The following SYNE2 variants were observed in gnomAD, a reference collection of about 807,000 sequenced individuals.
SYNE2 encodes the protein nesprin-2.
Under a neutral mutation model 856.3 loss-of-function variants are expected in SYNE2, and 431 were observed. That is an observed-to-expected ratio of 0.50 (90% CI 0.47 to 0.55). SYNE2 has a LOEUF of 0.55. Ranked by LOEUF, SYNE2 falls within the 20% of genes least tolerant of loss-of-function variation. SYNE2 has a pLI of 0.00. For synonymous variants in SYNE2, 2,923 were observed against 2,872.3 expected (o/e 1.02, Z -0.56); for missense variants, 8,129 against 8,023.2 (o/e 1.01, Z -0.50).
In SYNE2 at chr14:64,065,642, A is replaced by C; in HGVS notation, c.10423A>C (p.Ser3475Arg). 3.7e-6 allele frequency: 6 copies of C among 1,614,160 alleles called. No individual in the cohort carries two copies. Among genetic ancestry groups the C allele is most frequent in the Non-Finnish European group, 5.1e-6 (6 of 1,180,026 alleles). The change falls in exon 51 of 116, where the codon AGT (serine) becomes CGT (arginine). Residue 3475 changes from serine to arginine, a missense_variant. By Grantham distance (110) the Ser-to-Arg change is moderately radical. This residue lies in a region of SYNE2 where 5,410 missense variants were observed against 5,284.8 expected (regional missense o/e 1.02). Transcript: ENST00000555002. The part of the protein sequence containing the change: ...EELKQEWKFV[S>R]EEIEREAIIL... Reference sequence around the variant, plus strand: ...ACTGAAGCAGGAATGGAAATTTGTCAGTGAAGAAGTGAGTGCTTCATTTTC... The same window carrying C: ...ACTGAAGCAGGAATGGAAATTTGTCCGTGAAGAAGTGAGTGCTTCATTTTC...
chr14:63,968,095 A>G (rs2096419893), intron 11 of SYNE2, among the ~76,000 whole-genome samples: 1 of 152,184 alleles, frequency 6.6e-6, no homozygotes, highest in African/African-American at 2.4e-5. Flanking sequence ...CCTGGGAGGC[A>G]GAGGTTGCAG....
intron 80 of SYNE2, among the ~76,000 whole-genome samples, chr14:64,141,089 T>C (rs183378001): frequency 5.9e-5 from 9 of 152,182 alleles, no homozygotes; most frequent in Middle Eastern, 3.2e-3. Flanking sequence ...ACTTACCCCA[T>C]TTAAATAATG....
intron 6 of SYNE2, 23 bp downstream of exon 6, chr14:63,942,166 A>T (rs559202046): frequency 2.9e-6 from 4 of 1,387,752 alleles, no homozygotes; most frequent in Non-Finnish European, 4.1e-6. Context: ...ATGATATAAA[A>T]ATTATTTCTA....
intron 1 of SYNE2, among the ~76,000 whole-genome samples, chr14:63,794,071 G>GA (rs1384239273): frequency 6.6e-6 from 1 of 151,982 alleles, no homozygotes; most frequent in African/African-American, 2.4e-5. Flanking sequence ...GATTTGCTTA[G>GA]AAAAAAATTA....
chr14:63,791,578 C>T (rs1281769235), intron 1 of SYNE2, among the ~76,000 whole-genome samples: 1 of 152,084 alleles, frequency 6.6e-6, no homozygotes, highest in Non-Finnish European at 1.5e-5. Flanking sequence ...AACTAGTTAG[C>T]ATTAGCCTGA....
upstream of SYNE2, among the ~76,000 whole-genome samples, chr14:63,848,046 C>T (rs772491798): frequency 1.3e-5 from 2 of 152,154 alleles, no homozygotes; most frequent in Non-Finnish European, 2.9e-5. Context: ...ACCACCATGC[C>T]TGGCTAATTT....
At chr14:64,055,892 A>G in intron 48 of SYNE2, 52 bp from the exon 49 acceptor site, 2 of 1,454,674 alleles carry the variant, frequency 1.4e-6, no homozygotes, top group Non-Finnish European at 1.9e-6. Context: ...GAATGACAGG[A>G]ATTCCAAAAG....
chr14:64,067,956 T>C lies in SYNE2; in HGVS notation c.10431+2306T>C, dbSNP rs1476690712. ...GTTCTGGGTTTTTTGGTCTCCTTCA[T>C]TGGATTTGCTTATGATGCAACTATG... On this transcript the variant is annotated intron_variant, in intron 51 of 115. Transcript: ENST00000555002. Among the ~76,000 whole-genome samples, 10 of 152,190 alleles carry C rather than the reference T, an allele frequency of 6.6e-5. No homozygotes were observed. In the East Asian group the frequency reaches 9.6e-4, roughly 15 times the overall value.
chr14:63,843,284 G>A (rs901708473), intron 1 of SYNE2, among the ~76,000 whole-genome samples: 7 of 151,976 alleles, frequency 4.6e-5, no homozygotes, highest in Admixed American at 2.6e-4. Flanking sequence ...AACTCCAAGC[G>A]ATCCACCTGC....
intron 1 of SYNE2, among the ~76,000 whole-genome samples, chr14:63,828,347 T>A (rs547536394): frequency 4.6e-5 from 7 of 151,954 alleles, no homozygotes; most frequent in Non-Finnish European, 1.0e-4. Flanking sequence ...TAATCTAAAG[T>A]ATATGGGATG....
At chr14:64,031,387 A>C in intron 45 of SYNE2, 30 bp downstream of exon 45, 1 of 1,590,920 alleles carries the variant, frequency 6.3e-7, no homozygotes, top group South Asian at 1.1e-5. Flanking sequence ...CTTTCAAGAC[A>C]GTGAGTCTGA....
At chr14:64,028,811 C>T (rs752798188) in intron 43 of SYNE2, among the ~76,000 whole-genome samples, 1 of 152,132 alleles carries the variant, frequency 6.6e-6, no homozygotes, top group Admixed American at 6.5e-5. Flanking sequence ...GTGCCCCTCC[C>T]TCAGATCTTC....
chr14:64,021,831 T>C, intron 36 of SYNE2, 26 bp from the exon 37 acceptor site: 1 of 1,612,420 alleles, frequency 6.2e-7, no homozygotes, highest in Non-Finnish European at 8.5e-7. Flanking sequence ...TAAGATTTAA[T>C]GGTTGTTGTT....
At chr14:63,860,655 A>G (rs993300860) in intron 1 of SYNE2, among the ~76,000 whole-genome samples, 1 of 152,198 alleles carries the variant, frequency 6.6e-6, no homozygotes, top group Non-Finnish European at 1.5e-5. Flanking sequence ...TCCTTTGGGT[A>G]CTACCACTGG....
chr14:64,147,889 A>G (rs2153698896), intron 84 of SYNE2, among the ~76,000 whole-genome samples: 1 of 152,356 alleles, frequency 6.6e-6, no homozygotes, highest in East Asian at 1.9e-4. Context: ...GCAACAGGCT[A>G]TGCCCAGTTC....
intron 100 of SYNE2, among the ~76,000 whole-genome samples, chr14:64,206,016 G>T (rs1035733461): frequency 6.6e-6 from 1 of 152,130 alleles, no homozygotes; most frequent in African/African-American, 2.4e-5. Context: ...GGCACTGGGG[G>T]CTTCACGCTA....
intron 92 of SYNE2, among the ~76,000 whole-genome samples, chr14:64,168,188 C>T (rs1489158521): frequency 1.3e-5 from 2 of 152,284 alleles, no homozygotes; most frequent in African/African-American, 4.8e-5. Flanking sequence ...ACTGAAACTT[C>T]CACCCCCCAG....
chr14:63,922,331 A>T (rs140473927), intron 2 of SYNE2, among the ~76,000 whole-genome samples: 2 of 152,290 alleles, frequency 1.3e-5, no homozygotes, highest in African/African-American at 4.8e-5. Flanking sequence ...TGAGCAAATA[A>T]AATATCCTCC....
chr14:63,819,395 C>T (rs1359435446), intron 1 of SYNE2, among the ~76,000 whole-genome samples: 1 of 151,948 alleles, frequency 6.6e-6, no homozygotes, highest in Non-Finnish European at 1.5e-5. Context: ...CTATGCCTGG[C>T]TAATTTTTGT....
Sources: gnomAD v4.1 joint callset for allele counts (sites outside exome capture counted in the v4.1 genomes callset) on GRCh38, gnomAD v4.1.1 for gene constraint, gnomAD v4.1.1 regional missense constraint, MANE v1.5 for transcripts, NCBI Gene and HGNC (gene_info 2026-07-23, HGNC 2026-07-21) for gene names.